Variants in USP14 observed in about 807,000 individuals in gnomAD.
USP14 encodes ubiquitin carboxyl-terminal hydrolase 14.
A neutral mutation model predicts 76.5 loss-of-function variants in USP14; 38 were observed. That is an observed-to-expected ratio of 0.50 (90% CI 0.38 to 0.65). The LOEUF (loss-of-function observed/expected upper bound fraction) is 0.65. Ranked by LOEUF, USP14 falls within the 30% of genes least tolerant of loss-of-function variation. The probability of loss-of-function intolerance (pLI) is 0.00; values close to 1 mark genes in which losing one functional copy is unlikely to be tolerated. For missense variants in USP14, 467 were observed against 586.5 expected (o/e 0.80, Z 2.10); for synonymous variants, 192 against 191.7 (o/e 1.00, Z -0.01).
In USP14 at chr18:211,162, G is replaced by T; in HGVS notation, c.1363G>T (p.Val455Phe). 1.2e-6 allele frequency: 2 copies of T among 1,613,964 alleles called. No homozygotes were observed. Among genetic ancestry groups the T allele is most frequent in the Non-Finnish European group, 1.7e-6 (2 of 1,179,894 alleles). Reference protein sequence around the residue: ...DEWIKFDDDKVSIVTPEDILR... With the variant: ...DEWIKFDDDKFSIVTPEDILR... ...ATGGATTAAGTTTGATGATGACAAA[G>T]TCAGCATCGTAACACCAGAAGATAT... Residue 455 changes from valine to phenylalanine, a missense_variant, in exon 16 of 16, where the codon GTC becomes TTC. Physicochemically the swap from Val to Phe is conservative, Grantham distance 50 (BLOSUM62 -1). Coordinates refer to ENST00000261601, the MANE Select transcript of USP14 (RefSeq NM_005151.4).
rs372740570 is a variant in USP14 at position 168,948 on chromosome 18, G to A, written c.195+2129G>A. ...AACAATTAGCCGTGCATGGTGGCAG[G>A]TGCCTGTAGTCCCAGCTACTCAGGA... On this transcript the variant is annotated intron_variant, in intron 3 of 15. Coordinates refer to ENST00000261601, the MANE Select transcript of USP14 (RefSeq NM_005151.4). Among the ~76,000 whole-genome samples the A allele has an allele frequency of 3.4e-4, 51 of 152,018 alleles. No individual in the cohort carries two copies. The South Asian group carries it at 0.01, about 30-fold the overall frequency.
intron 3 of USP14, among the ~76,000 whole-genome samples, chr18:170,814 A>G (rs1316890587): frequency 6.6e-6 from 1 of 151,932 alleles, no homozygotes; most frequent in Non-Finnish European, 1.5e-5. Context: ...CAATGAGAAT[A>G]CATGGACACA....
chr18:192,805 T>C, intron 5 of USP14, 37 bp from the exon 6 acceptor site: 2 of 1,602,686 alleles, frequency 1.2e-6, no homozygotes, highest in Non-Finnish European at 1.7e-6. Flanking sequence ...TAGAATGAAT[T>C]GAATTCTATT....
rs1568416729 is a variant in USP14 at position 171,020 on chromosome 18, A to AT, written c.195+4201_195+4202insT. Among the ~76,000 whole-genome samples the AT allele has an allele frequency of 2.6e-3, 239 of 91,280 alleles. 1 individual carries two copies. Among genetic ancestry groups the AT allele is most frequent in the Non-Finnish European group, 4.1e-3 (199 of 48,126 alleles). The allele number at this position is 91,280 out of a possible 152,430, so 59.9% of individuals were successfully genotyped here. The stretch of plus-strand genomic sequence containing the variant: ...TGTACCCTGGAACTTAAAAAAAAAA[A>AT]AAAAAATATATATATATATATATAT... On this transcript the variant is annotated intron_variant, in intron 3 of 15. Transcript: ENST00000261601.
In USP14 at chr18:167,223, A is replaced by C. The variant is rs1598263134; in HGVS notation, c.195+404A>C. On this transcript the variant is annotated intron_variant, in intron 3 of 15. Transcript: ENST00000261601. ...CTTGAACCTGGGAGGCGGAGATTGC[A>C]GTGAGCCGAGATCGTGCCACTGCAC... 2.6e-5 allele frequency among the ~76,000 whole-genome samples: 4 copies of C among 152,166 alleles called. No homozygotes were observed. In the East Asian group the frequency reaches 7.7e-4, roughly 29 times the overall value.
rs756067354 is a variant in USP14 at position 163,447 on chromosome 18, G to A, written c.156G>A (p.Thr52=). 8.7e-6 allele frequency: 14 copies of A among 1,611,366 alleles called. No homozygotes were observed. Among genetic ancestry groups the A allele is most frequent in the Middle Eastern group, 1.6e-4 (1 of 6,070 alleles). The stretch of plus-strand genomic sequence containing the variant: ...AGAAAGTTATGGTGAAAGGAGGAAC[G>A]CTAAAGGTAAAATGTAGTCCAAATT... ...ARQKVMVKGG[T]LKDDDWGNIK... is the part of the protein sequence containing the mutation. Residue 52 remains threonine, a synonymous_variant, in exon 2 of 16, where the codon ACG becomes ACA. Transcript: ENST00000261601.
intron 13 of USP14, among the ~76,000 whole-genome samples, chr18:208,282 A>G (rs1293671861): frequency 6.6e-6 from 1 of 152,076 alleles, no homozygotes; most frequent in Non-Finnish European, 1.5e-5. Context: ...TCAAATTTGT[A>G]TGTAGAATTG....
At chr18:179,320 A>G (rs1909716212) in intron 4 of USP14, among the ~76,000 whole-genome samples, 1 of 152,194 alleles carries the variant, frequency 6.6e-6, no homozygotes, top group East Asian at 1.9e-4. Context: ...ACATATATTT[A>G]GCTAATATCT....
chr18:178,396 CTTCA>C (rs1438981026), intron 3 of USP14, among the ~76,000 whole-genome samples: 4 of 152,118 alleles, frequency 2.6e-5, no homozygotes, highest in African/African-American at 9.7e-5. Flanking sequence ...ATTCCCTCTG[CTTCA>C]ATATTGTAAA....
intron 14 of USP14, 21 bp from the exon 15 acceptor site, chr18:210,365 T>C: frequency 6.5e-7 from 1 of 1,532,796 alleles, no homozygotes; most frequent in South Asian, 1.2e-5. Flanking sequence ...CTAATATTAA[T>C]GGATTTACAT....
intron 10 of USP14, among the ~76,000 whole-genome samples, chr18:200,461 A>C (rs951844600): frequency 6.6e-6 from 1 of 152,210 alleles, no homozygotes; most frequent in African/African-American, 2.4e-5. Context: ...ACTGTCTTGC[A>C]GTTGAGGCCC....
chr18:178,583 A>T (rs1909694866), intron 3 of USP14, among the ~76,000 whole-genome samples: 1 of 152,108 alleles, frequency 6.6e-6, no homozygotes, highest in Non-Finnish European at 1.5e-5. Context: ...CATCACGAAA[A>T]AGTTTCTTTG....
intron 2 of USP14, among the ~76,000 whole-genome samples, chr18:166,243 T>C (rs760449397): frequency 9.9e-5 from 15 of 152,220 alleles, no homozygotes; most frequent in Non-Finnish European, 2.1e-4. Flanking sequence ...ATGCTGTAAA[T>C]ACAGGTTACT....
At chr18:192,175 A>G (rs999412426) in intron 5 of USP14, among the ~76,000 whole-genome samples, 4 of 134,120 alleles carry the variant, frequency 3.0e-5, no homozygotes, top group African/African-American at 1.3e-4. Flanking sequence ...AATGTTTTTG[A>G]TCTAATGCTT....
chr18:203,916 G>C (rs1417803293), intron 12 of USP14, among the ~76,000 whole-genome samples: 2 of 152,110 alleles, frequency 1.3e-5, no homozygotes, highest in African/African-American at 4.8e-5. Context: ...TGCCCAAAGA[G>C]TACTTAAATT....
At chr18:190,553 G>C (rs1373005997) in intron 5 of USP14, among the ~76,000 whole-genome samples, 1 of 152,178 alleles carries the variant, frequency 6.6e-6, no homozygotes, top group East Asian at 1.9e-4. Context: ...ATTTCACTAT[G>C]GGTAAGGATT....
intron 10 of USP14, among the ~76,000 whole-genome samples, chr18:200,714 AC>A (rs1910362157): frequency 6.6e-6 from 1 of 152,186 alleles, no homozygotes; most frequent in African/African-American, 2.4e-5. Context: ...TTGAACTGAT[AC>A]CTTTTAATAG....
chr18:180,069 T>G (rs3859369), intron 4 of USP14, among the ~76,000 whole-genome samples, 167 bp from the exon 5 acceptor site: 3,749 of 148,590 alleles, frequency 0.025, 146 homozygotes, highest in African/African-American at 0.084. Flanking sequence ...AACTTTTTTT[T>G]GGGGGAAATA....
intron 13 of USP14, among the ~76,000 whole-genome samples, chr18:209,143 G>A (rs1302290167): frequency 6.6e-6 from 1 of 150,756 alleles, no homozygotes; most frequent in African/African-American, 2.4e-5. Context: ...GTCTTCTTGT[G>A]GGTTACTTGA....
Sources: allele counts gnomAD v4.1 joint callset (sites outside exome capture counted in the v4.1 genomes callset), GRCh38; gene constraint gnomAD v4.1.1; transcripts MANE v1.5; gene names NCBI Gene and HGNC (gene_info 2026-07-23, HGNC 2026-07-21).